Variants in ROBO1 observed in about 807,000 individuals in gnomAD.
ROBO1 encodes roundabout guidance receptor 1.
Under a neutral mutation model 195.9 loss-of-function variants are expected in ROBO1, and 149 were observed. That is an observed-to-expected ratio of 0.76 (90% CI 0.67 to 0.87). The LOEUF (loss-of-function observed/expected upper bound fraction) is 0.87. Ranked by LOEUF, ROBO1 falls within the 40% of genes least tolerant of loss-of-function variation. The pLI, the probability that ROBO1 is intolerant of heterozygous loss-of-function variation, is 0.00. For missense variants in ROBO1, 1,933 were observed against 2,068.3 expected, an observed-to-expected ratio of 0.93 and a Z score of 1.27; for synonymous variants, 816 against 733.2, an observed-to-expected ratio of 1.11 and a Z score of -1.82.
intron 4 of ROBO1, among the ~76,000 whole-genome samples, chr3:78,847,124 A>T (rs1198119511): frequency 1.3e-5 from 2 of 152,034 alleles, no homozygotes; most frequent in Non-Finnish European, 2.9e-5. Context: ...AAATGAAATG[A>T]TTTTTTTTAA....
At chr3:78,665,987 G>A (rs1707710871) in intron 14 of ROBO1, among the ~76,000 whole-genome samples, 1 of 151,984 alleles carries the variant, frequency 6.6e-6, no homozygotes, top group African/African-American at 2.4e-5. Context: ...GTCACGGGAG[G>A]GTCTCGGTAG....
At chr3:78,884,099 C>T (rs2036353960) in intron 4 of ROBO1, among the ~76,000 whole-genome samples, 1 of 152,104 alleles carries the variant, frequency 6.6e-6, no homozygotes, top group African/African-American at 2.4e-5. Context: ...ATTGCTGACA[C>T]ATGGTAGCCA....
chr3:79,491,211 G>T (rs543130006), intron 2 of ROBO1, among the ~76,000 whole-genome samples: 1 of 130,322 alleles, frequency 7.7e-6, no homozygotes, highest in Non-Finnish European at 1.6e-5. Flanking sequence ...AGGGGTGGAC[G>T]GGGATCGGCT....
chr3:79,642,822 T>C (rs1291586369), intron 1 of ROBO1, among the ~76,000 whole-genome samples: 1 of 152,138 alleles, frequency 6.6e-6, no homozygotes, highest in African/African-American at 2.4e-5. Context: ...CATTTTAAGG[T>C]ATAAAACCCA....
At chr3:79,268,126 G>A (rs1053498617) in intron 2 of ROBO1, among the ~76,000 whole-genome samples, 1 of 151,522 alleles carries the variant, frequency 6.6e-6, no homozygotes, top group Admixed American at 6.6e-5. Flanking sequence ...GGTACATTTT[G>A]GTAAGGCTAT....
intron 3 of ROBO1, among the ~76,000 whole-genome samples, chr3:79,119,576 AT>A (rs2080077876): frequency 2.0e-5 from 3 of 152,148 alleles, no homozygotes; most frequent in African/African-American, 7.2e-5. Flanking sequence ...GACTAAACCA[AT>A]TGATTAAATT....
At chr3:79,715,472 T>G (rs1443456290) in intron 1 of ROBO1, among the ~76,000 whole-genome samples, 1 of 152,150 alleles carries the variant, frequency 6.6e-6, no homozygotes, top group East Asian at 1.9e-4. Context: ...GGTCAGCATT[T>G]TTTAGCAAGA....
intron 2 of ROBO1, among the ~76,000 whole-genome samples, chr3:79,415,925 G>A (rs1417471368): frequency 6.6e-6 from 1 of 152,064 alleles, no homozygotes; most frequent in Non-Finnish European, 1.5e-5. Flanking sequence ...CATTTATCTC[G>A]AGGTAGAAAT....
intron 2 of ROBO1, among the ~76,000 whole-genome samples, chr3:79,548,051 A>T (rs73849610): frequency 0.015 from 2,209 of 152,284 alleles, 43 homozygotes; most frequent in African/African-American, 0.049. Context: ...GTGTGTGCAG[A>T]AACAGTTTTA....
At chr3:79,168,158 A>G (rs1411231942) in intron 2 of ROBO1, among the ~76,000 whole-genome samples, 2 of 152,106 alleles carry the variant, frequency 1.3e-5, no homozygotes, top group Admixed American at 6.6e-5. Flanking sequence ...GCACAACCCT[A>G]TCGGCCTGTG....
chr3:78,670,257 T>A lies in ROBO1; in HGVS notation c.1387A>T (p.Asn463Tyr). 3.1e-6 allele frequency: 5 copies of A among 1,587,572 alleles called. No individual in the cohort carries two copies. The highest frequency in any genetic ancestry group is 4.3e-6 in the Non-Finnish European group (5 of 1,165,768). Reference sequence around the variant, plus strand: ...GTGCCATCCACGGCTACAGTCTGATTCACAGGACCTTGTCGAATAACTGGG... The same window carrying A: ...GTGCCATCCACGGCTACAGTCTGATACACAGGACCTTGTCGAATAACTGGG... ...PPPVIRQGPVNQTVAVDGTFV... is the reference protein window; with the variant it reads ...PPPVIRQGPVYQTVAVDGTFV... The change falls in exon 11 of 31, where the codon AAT (asparagine) becomes TAT (tyrosine). Residue 463 changes from asparagine to tyrosine, a missense_variant. By Grantham distance (143) the Asn-to-Tyr change is moderately radical. This residue lies in a region of ROBO1 where 1,737 missense variants were observed against 1,882.5 expected (regional missense o/e 0.92). Transcript: ENST00000464233.
At position 78,947,142 on chromosome 3, in the gene ROBO1, G is replaced by C. The variant is rs185723328; in HGVS notation, c.173-8215C>G. Among the ~76,000 whole-genome samples the C allele has an allele frequency of 7.2e-5, 11 of 152,196 alleles. No homozygotes were observed. The East Asian group carries it at 1.9e-3, about 27-fold the overall frequency. ...GACAGAAAGTTAACAAGGATACCAA[G>C]GAACTGAACTCAGCTCTGCACCAAG... On this transcript the variant is annotated intron_variant, in intron 3 of 30. Coordinates refer to ENST00000464233, the MANE Select transcript of ROBO1 (RefSeq NM_002941.4).
chr3:78,804,732 C>CAAAAAAAAAAA (rs10576248), intron 4 of ROBO1, among the ~76,000 whole-genome samples: 1 of 93,182 alleles, frequency 1.1e-5, no homozygotes, highest in Admixed American at 1.1e-4. Context: ...GGAGCAAAGG[C>CAAAAAAAAAAA]AAAAAAAAAA....
chr3:78,968,531 G>T (rs565290936), intron 3 of ROBO1, among the ~76,000 whole-genome samples: 16 of 151,494 alleles, frequency 1.1e-4, no homozygotes, highest in Admixed American at 9.2e-4. Context: ...GCCTACCTGG[G>T]CTTCTCAAAG....
At chr3:79,067,407 T>C (rs532580053) in intron 3 of ROBO1, among the ~76,000 whole-genome samples, 70 of 152,104 alleles carry the variant, frequency 4.6e-4, no homozygotes, top group Non-Finnish European at 9.7e-4. Context: ...GAGGTATTAT[T>C]TATGAAGTTA....
chr3:79,650,507 A>G (rs773328432), intron 1 of ROBO1, among the ~76,000 whole-genome samples: 16 of 151,790 alleles, frequency 1.1e-4, no homozygotes, highest in Non-Finnish European at 2.1e-4. Flanking sequence ...GGTAAAATAC[A>G]TAATTCTTTA....
At chr3:79,386,626 T>G in intron 2 of ROBO1, among the ~76,000 whole-genome samples, 1 of 152,094 alleles carries the variant, frequency 6.6e-6, no homozygotes, top group East Asian at 1.9e-4. Context: ...AAAGTGCAGA[T>G]GCAAGACAGG....
intron 5 of ROBO1, among the ~76,000 whole-genome samples, chr3:78,725,396 G>C (rs537262559): frequency 6.6e-6 from 1 of 152,032 alleles, no homozygotes; most frequent in Non-Finnish European, 1.5e-5. Context: ...TTTTAGAGAT[G>C]TCAAAATGTA....
At chr3:79,463,738 C>A (rs1376014262) in intron 2 of ROBO1, among the ~76,000 whole-genome samples, 2 of 152,172 alleles carry the variant, frequency 1.3e-5, no homozygotes, top group African/African-American at 4.8e-5. Flanking sequence ...TGGTTGTCTT[C>A]AAATGTATGA....
Sources: allele counts gnomAD v4.1 joint callset (sites outside exome capture counted in the v4.1 genomes callset), GRCh38; gene constraint gnomAD v4.1.1; regional missense constraint gnomAD v4.1.1; transcripts MANE v1.5; gene names NCBI Gene and HGNC (gene_info 2026-07-23, HGNC 2026-07-21).